CEP112: variants seen among roughly 807,000 people sequenced by gnomAD.
CEP112 encodes the protein centrosomal protein 112.
Under a neutral mutation model 153.0 loss-of-function variants are expected in CEP112, and 127 were observed. That is an observed-to-expected ratio of 0.83 (90% CI 0.72 to 0.96). The LOEUF (loss-of-function observed/expected upper bound fraction) is 0.96. Among genes scored for constraint, CEP112 ranks in the 40% least tolerant of loss-of-function variants. CEP112 has a pLI of 0.00. For synonymous variants in CEP112, 358 were observed against 374.4 expected, an observed-to-expected ratio of 0.96 and a Z score of 0.51; for missense variants, 1,089 against 1,101.2, an observed-to-expected ratio of 0.99 and a Z score of 0.16.
intron 21 of CEP112, among the ~76,000 whole-genome samples, chr17:65,851,229 T>C (rs2057918270): frequency 6.6e-6 from 1 of 152,202 alleles, no homozygotes. Flanking sequence ...TTTCTGAACG[T>C]CAAAAGAAAG....
At chr17:66,006,919 A>T (rs534774440) in intron 16 of CEP112, among the ~76,000 whole-genome samples, 2 of 152,338 alleles carry the variant, frequency 1.3e-5, no homozygotes, top group East Asian at 3.9e-4. Context: ...AAGAACAACA[A>T]CAAAACATAA....
At chr17:65,881,188 G>A (rs6504369) in intron 20 of CEP112, among the ~76,000 whole-genome samples, 54,905 of 152,024 alleles carry the variant, frequency 0.36, 10,526 homozygotes, top group Non-Finnish European at 0.42. Flanking sequence ...CTGCACTCCA[G>A]CCTGGGCGAC....
At chr17:65,875,150 A>G (rs1436104580) in intron 20 of CEP112, among the ~76,000 whole-genome samples, 1 of 152,114 alleles carries the variant, frequency 6.6e-6, no homozygotes, top group Non-Finnish European at 1.5e-5. Context: ...AAATATCTCC[A>G]AATTTCTCTG....
At chr17:65,858,732 C>T (rs989950588) in intron 20 of CEP112, among the ~76,000 whole-genome samples, 43 of 152,086 alleles carry the variant, frequency 2.8e-4, no homozygotes, top group African/African-American at 1.0e-3. Context: ...GTTAAGTGTA[C>T]CCATTTCTCT....
chr17:66,121,675 C>T (rs1185017115), intron 6 of CEP112, among the ~76,000 whole-genome samples: 2 of 151,898 alleles, frequency 1.3e-5, no homozygotes, highest in Non-Finnish European at 2.9e-5. Flanking sequence ...TACGGTTTAA[C>T]ACTATAATTT....
At chr17:65,671,183 C>T (rs2046963245) in intron 24 of CEP112, among the ~76,000 whole-genome samples, 1 of 152,056 alleles carries the variant, frequency 6.6e-6, no homozygotes, top group Admixed American at 6.6e-5. Context: ...AAAGGGAAAA[C>T]AGTAGTCACT....
At chr17:65,659,668 G>T (rs2046247374) in intron 24 of CEP112, among the ~76,000 whole-genome samples, 1 of 152,198 alleles carries the variant, frequency 6.6e-6, no homozygotes, top group South Asian at 2.1e-4. Flanking sequence ...ACAGCAGAGA[G>T]AAAAGAATTT....
chr17:65,796,802 G>C (rs1423169219), intron 21 of CEP112, among the ~76,000 whole-genome samples: 1 of 150,530 alleles, frequency 6.6e-6, no homozygotes, highest in Non-Finnish European at 1.5e-5. Flanking sequence ...GGAAGCTGAG[G>C]TGGGTGGACT....
chr17:66,004,253 G>T (rs373390818), intron 17 of CEP112, among the ~76,000 whole-genome samples: 1 of 151,854 alleles, frequency 6.6e-6, no homozygotes, highest in Non-Finnish European at 1.5e-5. Context: ...AGGCCGAGGC[G>T]GGCGGATCAC....
At chr17:65,637,589 T>C (rs936607781) in intron 25 of CEP112, among the ~76,000 whole-genome samples, 1 of 152,222 alleles carries the variant, frequency 6.6e-6, no homozygotes, top group East Asian at 1.9e-4. Context: ...GGTTTAAATG[T>C]CACCTCTCCT....
intron 21 of CEP112, among the ~76,000 whole-genome samples, chr17:65,759,266 G>T (rs2052467041): frequency 1.3e-5 from 2 of 152,268 alleles, no homozygotes; most frequent in Admixed American, 6.5e-5. Context: ...AACCCTAGGG[G>T]CTGCTCTGTC....
intron 20 of CEP112, among the ~76,000 whole-genome samples, chr17:65,863,849 T>C (rs1034484409): frequency 6.8e-6 from 1 of 147,224 alleles, no homozygotes; most frequent in African/African-American, 2.5e-5. Context: ...CCTAGAAAGA[T>C]GAGTGCCTCC....
chr17:66,020,591 C>A (rs1211409114), intron 16 of CEP112, among the ~76,000 whole-genome samples: 1 of 152,010 alleles, frequency 6.6e-6, no homozygotes, highest in African/African-American at 2.4e-5. Context: ...GTGATATAAA[C>A]CATATGTAAT....
intron 20 of CEP112, among the ~76,000 whole-genome samples, chr17:65,895,684 A>G (rs977467918): frequency 6.6e-6 from 1 of 152,096 alleles, no homozygotes; most frequent in African/African-American, 2.4e-5. Flanking sequence ...ATTCAGATTA[A>G]GAAGCCCTGG....
chr17:65,669,029 C>A (rs970008336), intron 24 of CEP112, among the ~76,000 whole-genome samples: 1 of 152,168 alleles, frequency 6.6e-6, no homozygotes, highest in South Asian at 2.1e-4. Context: ...TAGAAAGCCT[C>A]TGATTGTCAA....
rs201231357 is a variant in CEP112 at position 65,852,825 on chromosome 17, ACTT to A, written c.2164-794_2164-792del. ...GGTTTATTTTGTATTCTTTCTTCTA[ACTT>A]CTTATTTTGGATACTTAACTCATTT... On this transcript the variant is annotated intron_variant, in intron 20 of 26. Coordinates refer to ENST00000535342, the MANE Select transcript of CEP112 (RefSeq NM_001199165.4). Among the ~76,000 whole-genome samples, 637 of 151,686 alleles carry A rather than the reference ACTT, an allele frequency of 4.2e-3. 25 individuals carry two copies. Among genetic ancestry groups the A allele is most frequent in the Admixed American group, 0.037 (567 of 15,234 alleles).
chr17:66,172,845 A>G (rs948373411), intron 4 of CEP112, among the ~76,000 whole-genome samples: 3 of 152,198 alleles, frequency 2.0e-5, no homozygotes, highest in Admixed American at 2.0e-4. Flanking sequence ...AAAAGTCTGG[A>G]GGACTTAACA....
intron 8 of CEP112, among the ~76,000 whole-genome samples, chr17:66,089,483 A>C (rs1251971861): frequency 2.6e-5 from 4 of 152,236 alleles, no homozygotes; most frequent in Non-Finnish European, 5.9e-5. Context: ...GAAATTTAAC[A>C]GAGAAATTTT....
At chr17:65,669,145 C>G (rs1393624018) in intron 24 of CEP112, among the ~76,000 whole-genome samples, 1 of 152,200 alleles carries the variant, frequency 6.6e-6, no homozygotes, top group Non-Finnish European at 1.5e-5. Context: ...CCCTTCTCTC[C>G]TCACTGAAAT....
Sources: allele counts gnomAD v4.1 joint callset (sites outside exome capture counted in the v4.1 genomes callset), GRCh38; gene constraint gnomAD v4.1.1; transcripts MANE v1.5; gene names NCBI Gene and HGNC (gene_info 2026-07-23, HGNC 2026-07-21).